ORMDL1: variants seen among roughly 807,000 people sequenced by gnomAD.
The protein encoded by ORMDL1 is ORMDL sphingolipid biosynthesis regulator 1, also known as ORM1-like protein 1.
A neutral mutation model predicts 13.0 loss-of-function variants in ORMDL1; 10 were observed. The ratio of observed to expected loss-of-function variants is 0.77; its 90% CI spans 0.47 to 1.30. ORMDL1 has a LOEUF of 1.30. ORMDL1 is among the 50% of genes most tolerant of loss of function. The pLI, the probability that ORMDL1 is intolerant of heterozygous loss-of-function variation, is 0.00. For synonymous variants in ORMDL1, 61 were observed against 63.9 expected (o/e 0.95, Z 0.22); for missense variants, 171 against 186.7 (o/e 0.92, Z 0.49).
At chr2:189,780,840 T>C (rs2106155869) in intron 3 of ORMDL1, among the ~76,000 whole-genome samples, 1 of 152,244 alleles carries the variant, frequency 6.6e-6, no homozygotes, top group East Asian at 1.9e-4. Flanking sequence ...TGGACACATA[T>C]TTATCATGTC....
chr2:189,766,401 A>G (rs1200915575), downstream of ORMDL1, among the ~76,000 whole-genome samples: 1 of 152,200 alleles, frequency 6.6e-6, no homozygotes, highest in African/African-American at 2.4e-5. Flanking sequence ...GAACCTTTTC[A>G]TCTTCTCAAA....
At chr2:189,774,532 T>C (rs950740338) in intron 4 of ORMDL1, among the ~76,000 whole-genome samples, 2 of 152,198 alleles carry the variant, frequency 1.3e-5, no homozygotes, top group African/African-American at 4.8e-5. Flanking sequence ...TTTTGTGCTA[T>C]GCCAGGCTGC....
chr2:189,781,724 A>C (rs941046752), intron 3 of ORMDL1, among the ~76,000 whole-genome samples: 1 of 149,114 alleles, frequency 6.7e-6, no homozygotes, highest in Non-Finnish European at 1.5e-5. Context: ...TAAAGCGTGA[A>C]AGAAAAAAGA....
At chr2:189,773,782 A>T (rs377696587) in intron 4 of ORMDL1, 2 of 152,388 alleles carry the variant, frequency 1.3e-5, no homozygotes, top group African/African-American at 2.4e-5. Context: ...AAATAATCAA[A>T]TAAGAAAATG....
rs140008702 is a variant in ORMDL1 at position 189,779,134 on chromosome 2, T to A, written c.174+3288A>T. Among the ~76,000 whole-genome samples the A allele has an allele frequency of 2.5e-3, 375 of 151,100 alleles. 4 individuals carry two copies. The highest frequency in any genetic ancestry group is 8.8e-3 in the African/African-American group (360 of 41,086). On this transcript the variant is annotated intron_variant, in intron 3 of 4. Transcript: ENST00000392349. ...TCGAGGCTGCAGTGAGCTATGATCATGCCACTGCACTCCAGCCTGGGTAAC... is the reference window on the plus strand; with the variant it reads ...TCGAGGCTGCAGTGAGCTATGATCAAGCCACTGCACTCCAGCCTGGGTAAC...
At chr2:189,781,388 T>TA (rs2047825633) in intron 3 of ORMDL1, among the ~76,000 whole-genome samples, 1 of 152,158 alleles carries the variant, frequency 6.6e-6, no homozygotes, top group Non-Finnish European at 1.5e-5. Context: ...AATGGGTTAT[T>TA]AAAGACAAGA....
rs961414488 is a variant in ORMDL1, at chr2:189,770,769, A to T, written c.*998T>A. ...TCAAAGGCAAAATATGGGGGTTGAG[A>T]GCAGGAGGACTAAGAAAAGAAAATG... On this transcript the variant is annotated 3_prime_UTR_variant, in exon 5 of 5. Transcript: ENST00000392349. 2 of 152,136 alleles carry T rather than the reference A, an allele frequency of 1.3e-5. No homozygotes were observed. Among genetic ancestry groups the T allele is most frequent in the African/African-American group, 4.8e-5 (2 of 41,438 alleles). The allele number at this position is 152,136 out of a possible 1,614,324, so 9.4% of individuals were successfully genotyped here.
downstream of ORMDL1, among the ~76,000 whole-genome samples, chr2:189,766,555 C>G (rs1031509164): frequency 6.6e-6 from 1 of 152,120 alleles, no homozygotes; most frequent in Non-Finnish European, 1.5e-5. Flanking sequence ...TGATGGCCAT[C>G]TCTACTAAGA....
chr2:189,766,077 G>A (rs529237585), downstream of ORMDL1, among the ~76,000 whole-genome samples: 123 of 151,458 alleles, frequency 8.1e-4, 2 homozygotes, highest in Middle Eastern at 0.014. Flanking sequence ...CACCTGCCTC[G>A]GCCTCCCAAA....
downstream of ORMDL1, chr2:189,765,548 A>G (rs2047467262): frequency 6.6e-6 from 1 of 152,254 alleles, no homozygotes; most frequent in South Asian, 2.1e-4. Context: ...GCTGTGTAAA[A>G]GCCATTAATA....
chr2:189,775,707 C>T lies in ORMDL1; in HGVS notation c.184G>A (p.Val62Ile), dbSNP rs759194695. Residue 62 changes from valine (V) to isoleucine (I), a missense_variant, in exon 4 of 5, where the codon GTA (valine) becomes ATA (isoleucine). By Grantham distance (29) the Val-to-Ile change is conservative. Transcript: ENST00000392349. Reference protein sequence around the residue: ...TNIIHNLGMYVFLHAVKGTPF... With the variant: ...TNIIHNLGMYIFLHAVKGTPF... ...GTTCCTTTCACTGCATGCAAAAATA[C>T]GTACATCCCCTGGAAAACAAGCAAG... The T allele has an allele frequency of 9.9e-6, 16 of 1,611,650 alleles. No homozygotes were observed. Among genetic ancestry groups the T allele is most frequent in the Admixed American group, 8.4e-5 (5 of 59,388 alleles).
At chr2:189,772,006 C>A in intron 4 of ORMDL1, 104 bp from the exon 5 acceptor site, 3 of 849,124 alleles carry the variant, frequency 3.5e-6, no homozygotes, top group South Asian at 2.9e-5. Context: ...AGCATAAATA[C>A]CTAAAAATGA....
At chr2:189,769,489 G>C (rs1014633238), downstream of ORMDL1, among the ~76,000 whole-genome samples, 1 of 151,942 alleles carries the variant, frequency 6.6e-6, no homozygotes, top group Non-Finnish European at 1.5e-5. Flanking sequence ...ATTCATATAG[G>C]TATTAGTGAA....
At position 189,771,743 on chromosome 2, in the gene ORMDL1, A is replaced by AT. The variant is rs752079207; in HGVS notation, c.*23dup. ...TTATAAGAAATTCAGTAGCTGTAAA[A>AT]TTTTTTTTCAGTTTCAAAACATTTC... On this transcript the variant is annotated 3_prime_UTR_variant, in exon 5 of 5. Coordinates refer to ENST00000392349, the MANE Select transcript of ORMDL1 (RefSeq NM_016467.5). 8.3e-6 allele frequency: 13 copies of AT among 1,561,540 alleles called. No individual in the cohort carries two copies. The highest frequency in any genetic ancestry group is 6.1e-5 in the Admixed American group (3 of 49,124).
At chr2:189,778,460 C>T (rs1446270063) in intron 3 of ORMDL1, 2 of 455,882 alleles carry the variant, frequency 4.4e-6, no homozygotes, top group Non-Finnish European at 8.8e-6. Context: ...AAAATTAAAA[C>T]ATAAAGAGAT....
chr2:189,771,720 A>G lies in ORMDL1; in HGVS notation c.*47T>C, dbSNP rs375899906. 8.0e-6 allele frequency: 12 copies of G among 1,500,114 alleles called. No individual in the cohort carries two copies. The highest frequency in any genetic ancestry group is 5.0e-5 in the South Asian group (4 of 79,520). The allele number at this position is 1,500,114 out of a possible 1,614,324, so 92.9% of individuals were successfully genotyped here. ...GCAGTTTACTAACCACTCCTTCCTTATAAGAAATTCAGTAGCTGTAAAATT... is the reference window on the plus strand; with the variant it reads ...GCAGTTTACTAACCACTCCTTCCTTGTAAGAAATTCAGTAGCTGTAAAATT... On this transcript the variant is annotated 3_prime_UTR_variant, in exon 5 of 5. Coordinates refer to ENST00000392349, the MANE Select transcript of ORMDL1 (RefSeq NM_016467.5).
chr2:189,782,777 A>T (rs1219370540), intron 2 of ORMDL1, 175 bp from the exon 3 acceptor site: 2 of 526,374 alleles, frequency 3.8e-6, no homozygotes, highest in Admixed American at 6.9e-5. Context: ...AGCAGTAAAG[A>T]ATCTTCAGCA....
chr2:189,766,423 T>C (rs1488603093), downstream of ORMDL1, among the ~76,000 whole-genome samples: 1 of 152,168 alleles, frequency 6.6e-6, no homozygotes, highest in Non-Finnish European at 1.5e-5. Context: ...TGAAATTCTG[T>C]ACCCATTAAA....
At chr2:189,782,046 G>A (rs2106157993) in intron 3 of ORMDL1, among the ~76,000 whole-genome samples, 1 of 151,694 alleles carries the variant, frequency 6.6e-6, no homozygotes, top group Non-Finnish European at 1.5e-5. Flanking sequence ...AGGTTCAAGC[G>A]ATTCTCCTGC....
Sources: gnomAD v4.1 joint callset for allele counts (sites outside exome capture counted in the v4.1 genomes callset) on GRCh38, gnomAD v4.1.1 for gene constraint, MANE v1.5 for transcripts, NCBI Gene and HGNC (gene_info 2026-07-23, HGNC 2026-07-21) for gene names.